Variants in BCL11B observed in about 807,000 individuals in gnomAD.
BCL11B encodes the protein BCL11 transcription factor B, also known as B-cell lymphoma/leukemia 11B.
A neutral mutation model predicts 49.9 loss-of-function variants in BCL11B; 8 were observed. That is an observed-to-expected ratio of 0.16 (90% CI 0.09 to 0.29). The LOEUF (loss-of-function observed/expected upper bound fraction) is 0.29, where lower values mean the gene tolerates loss of function less well. Ranked by LOEUF, BCL11B falls within the 10% of genes least tolerant of loss-of-function variation. The probability of loss-of-function intolerance (pLI) is 1.00; values close to 1 mark genes in which losing one functional copy is unlikely to be tolerated. For missense variants in BCL11B, 1,006 were observed against 1,351.0 expected (o/e 0.74, Z 4.00); for synonymous variants, 739 against 637.4 (o/e 1.16, Z -2.40).
chr14:99,236,034 T>C (rs995347098), intron 2 of BCL11B, among the ~76,000 whole-genome samples: 2 of 152,030 alleles, frequency 1.3e-5, no homozygotes, highest in African/African-American at 4.8e-5. Context: ...GGGAAAAATA[T>C]GAATATTCAT....
chr14:99,174,866 C>A lies in BCL11B; in HGVS notation c.1970G>T (p.Gly657Val). The A allele has an allele frequency of 8.4e-7, 1 of 1,184,732 alleles. No individual in the cohort carries two copies. The allele number at this position is 1,184,732 out of a possible 1,614,324, so 73.4% of individuals were successfully genotyped here. A position where few individuals can be genotyped will look rare whatever the true frequency, so the allele number is the denominator to read the frequency against. Residue 657 changes from glycine (G) to valine (V), a missense_variant, in exon 4 of 4, where the codon GGC becomes GTC. Coordinates refer to ENST00000357195, the MANE Select transcript of BCL11B (RefSeq NM_138576.4). ...AGGAVNGRGG[G>V]FAPGTEPFPG... ...GAAGGGCTCGGTGCCTGGCGCGAAG[C>A]CGCCCCCGCGCCCGTTGACCGCGCC...
intron 2 of BCL11B, among the ~76,000 whole-genome samples, chr14:99,245,964 G>A (rs1257412): frequency 0.14 from 20,654 of 152,062 alleles, 1,662 homozygotes; most frequent in South Asian, 0.33. Context: ...GGGGAAAGGA[G>A]CCGGGAAAAA....
intron 3 of BCL11B, among the ~76,000 whole-genome samples, chr14:99,197,965 C>T (rs1042879193): frequency 2.0e-5 from 3 of 152,254 alleles, no homozygotes; most frequent in African/African-American, 7.2e-5. Context: ...ATGCACAGGA[C>T]GCGGGCTGTG....
At position 99,169,974 on chromosome 14, in the gene BCL11B, C is replaced by T. The variant is rs1305823372; in HGVS notation, c.*4177G>A. The T allele has an allele frequency of 6.1e-5, 14 of 229,268 alleles. No homozygotes were observed. In the East Asian group the frequency reaches 8.7e-4, roughly 14 times the overall value. The allele number at this position is 229,268 out of a possible 1,614,324, so 14.2% of individuals were successfully genotyped here. ...TCACCCATGCTAGAGGCCTCTCTCT[C>T]GGGATCATCTGCTTCCGTGTTGGTT... On this transcript the variant is annotated 3_prime_UTR_variant, in exon 4 of 4. Transcript: ENST00000357195.
At chr14:99,244,580 G>A (rs1018584276) in intron 2 of BCL11B, among the ~76,000 whole-genome samples, 2 of 152,174 alleles carry the variant, frequency 1.3e-5, no homozygotes, top group African/African-American at 4.8e-5. Flanking sequence ...ATAAATGGAC[G>A]TCTGAGAAAT....
intron 3 of BCL11B, among the ~76,000 whole-genome samples, chr14:99,223,712 G>A (rs1419428878): frequency 2.6e-5 from 4 of 152,198 alleles, no homozygotes; most frequent in East Asian, 1.9e-4. Flanking sequence ...TCAAAAACAC[G>A]CCAATAATCA....
intron 1 of BCL11B, among the ~76,000 whole-genome samples, chr14:99,259,723 T>C (rs1383202403): frequency 6.6e-6 from 1 of 152,228 alleles, no homozygotes; most frequent in Non-Finnish European, 1.5e-5. Context: ...AAACCATTAA[T>C]TACACTTTAG....
chr14:99,192,682 C>G lies in BCL11B; in HGVS notation c.641-16487G>C, dbSNP rs1887067749. Among the ~76,000 whole-genome samples the G allele has an allele frequency of 6.6e-6, 1 of 152,134 alleles. No homozygotes were observed. The highest frequency in any genetic ancestry group is 2.4e-5 in the African/African-American group (1 of 41,410). ...GGCTGTGGGCCAGAAAGATCTGATT[C>G]TCCTGCTTCCTAGCCTTGGCTGAAC... On this transcript the variant is annotated intron_variant, in intron 3 of 3. Transcript: ENST00000357195. The surrounding 1 kb of genome is among the most constrained non-coding windows in gnomAD (Gnocchi z 4.0).
rs766213813 is a variant in BCL11B, at chr14:99,271,165, G to A, written c.54C>T (p.Ile18=). 20 of 1,554,956 alleles carry A rather than the reference G, an allele frequency of 1.3e-5. No homozygotes were observed. The highest frequency in any genetic ancestry group is 1.7e-4 in the Middle Eastern group (1 of 5,866). The change falls in exon 1 of 4, where the codon ATC becomes ATT. Residue 18 remains isoleucine (I), a synonymous_variant. Transcript: ENST00000357195. ...GCGCACTCCGCAGACACTTACGGGTGATGAGCTCCCTCTGGGACAAGTGCT... is the reference window on the plus strand; with the variant it reads ...GCGCACTCCGCAGACACTTACGGGTAATGAGCTCCCTCTGGGACAAGTGCT... ...NPQHLSQREL[I]TPEADHVEAA...
At chr14:99,203,175 C>T (rs1268571200) in intron 3 of BCL11B, among the ~76,000 whole-genome samples, 3 of 152,160 alleles carry the variant, frequency 2.0e-5, no homozygotes, top group African/African-American at 7.2e-5. Context: ...CATGTGTTCC[C>T]GTTCTCGTTC....
chr14:99,219,078 T>A (rs1887936608), intron 3 of BCL11B, among the ~76,000 whole-genome samples: 1 of 152,030 alleles, frequency 6.6e-6, no homozygotes, highest in Non-Finnish European at 1.5e-5. Flanking sequence ...TCTCACTGTG[T>A]TGCCCAAGGC....
chr14:99,225,953 G>A (rs903558910), intron 3 of BCL11B, among the ~76,000 whole-genome samples: 5 of 152,224 alleles, frequency 3.3e-5, no homozygotes, highest in African/African-American at 1.2e-4. Flanking sequence ...CACTTCCTCC[G>A]GTCACAGAAA....
Position 99,271,303 on chromosome 14 carries a change from G to GCTGCCGCCA in BCL11B, c.-86_-85insTGGCGGCAG. 1.2e-6 allele frequency: 1 copy of GCTGCCGCCA among 841,658 alleles called. No individual in the cohort carries two copies. The allele number at this position is 841,658 out of a possible 1,614,324, so 52.1% of individuals were successfully genotyped here. A position where few individuals can be genotyped will look rare whatever the true frequency, so the allele number is the denominator to read the frequency against. ...AGGGGGTCCGAGCCGCCGCCGCGCC[G>GCTGCCGCCA]CTGCCGCCGCTGCCGCCGCCGCCGC... On this transcript the variant is annotated 5_prime_UTR_variant, in exon 1 of 4. Coordinates refer to ENST00000357195, the MANE Select transcript of BCL11B (RefSeq NM_138576.4).
intron 3 of BCL11B, among the ~76,000 whole-genome samples, chr14:99,187,400 T>C (rs1886883981): frequency 6.6e-6 from 1 of 152,136 alleles, no homozygotes; most frequent in Non-Finnish European, 1.5e-5. Context: ...TAATAAAGAA[T>C]GCGTTGTCAG....
In BCL11B at chr14:99,198,964, C is replaced by A. The variant is rs1000865300; in HGVS notation, c.641-22769G>T. On this transcript the variant is annotated intron_variant, in intron 3 of 3. Coordinates refer to ENST00000357195, the MANE Select transcript of BCL11B (RefSeq NM_138576.4). ...ACACCAGAGCGCCTAGCTCAGACTC[C>A]CCGGACACCACTTGCTCACGGCGAG... 3.9e-5 allele frequency among the ~76,000 whole-genome samples: 6 copies of A among 152,164 alleles called. No individual in the cohort carries two copies. In the East Asian group the frequency reaches 1.2e-3, roughly 29 times the overall value.
rs572644406 is a variant in BCL11B, at chr14:99,174,536, C to T, written c.2300G>A (p.Arg767His). 2.0e-6 allele frequency: 3 copies of T among 1,513,634 alleles called. No homozygotes were observed. The highest frequency in any genetic ancestry group is 1.8e-6 in the Non-Finnish European group (2 of 1,132,998). 93.8% of individuals were successfully genotyped at this position (1,513,634 alleles called of 1,614,324 possible). A position where few individuals can be genotyped will look rare whatever the true frequency, so the allele number is the denominator to read the frequency against. Reference protein sequence around the residue: ...GDLLDGGLSGRSGTASGGSTP... With the variant: ...GDLLDGGLSGHSGTASGGSTP... ...GCTGCCTCCGCTGGCCGTGCCGCTG[C>T]GGCCCGAGAGGCCGCCGTCCAGCAG... The change falls in exon 4 of 4, where the codon CGC becomes CAC. Residue 767 changes from arginine to histidine, a missense_variant. Arg to His is a conservative substitution (Grantham distance 29). Coordinates refer to ENST00000357195, the MANE Select transcript of BCL11B (RefSeq NM_138576.4).
At chr14:99,179,775 A>G (rs1886647718) in intron 3 of BCL11B, among the ~76,000 whole-genome samples, 1 of 152,084 alleles carries the variant, frequency 6.6e-6, no homozygotes, top group Non-Finnish European at 1.5e-5. Context: ...CCCGCCCTAG[A>G]CAACTTTCTT....
At chr14:99,210,190 G>A (rs1419183144) in intron 3 of BCL11B, among the ~76,000 whole-genome samples, 2 of 152,170 alleles carry the variant, frequency 1.3e-5, no homozygotes, top group Non-Finnish European at 2.9e-5. Context: ...GTATAGGAGG[G>A]AGCAATGGAG....
chr14:99,269,378 G>C (rs1889581314), intron 1 of BCL11B, among the ~76,000 whole-genome samples: 2 of 152,104 alleles, frequency 1.3e-5, no homozygotes, highest in African/African-American at 4.8e-5. Context: ...CTCAAATCTA[G>C]CTGCAAAACA....
Sources: gnomAD v4.1 joint callset for allele counts (sites outside exome capture counted in the v4.1 genomes callset) on GRCh38, gnomAD v4.1.1 for gene constraint, Gnocchi (gnomAD v3.1) non-coding constraint, MANE v1.5 for transcripts, NCBI Gene and HGNC (gene_info 2026-07-23, HGNC 2026-07-21) for gene names.